The following THTPA variants were observed in gnomAD, a reference collection of about 807,000 sequenced individuals.
THTPA encodes thiamine-triphosphatase.
In THTPA, 16 loss-of-function variants were observed where a neutral mutation model predicts 16.5. That is an observed-to-expected ratio of 0.97 (90% CI 0.66 to 1.47). The LOEUF is 1.47. THTPA is among the 40% of genes most tolerant of loss of function. The pLI is 0.00. For missense variants in THTPA, 281 were observed against 280.9 expected, an observed-to-expected ratio of 1.00 and a Z score of 0.00; for synonymous variants, 110 against 115.5, an observed-to-expected ratio of 0.95 and a Z score of 0.30.
the THTPA span, among the ~76,000 whole-genome samples, chr14:23,546,214 G>T: frequency 6.6e-6 from 1 of 152,178 alleles, no homozygotes; most frequent in Non-Finnish European, 1.5e-5. The surrounding 1 kb of genome is among the most constrained non-coding windows in gnomAD (Gnocchi z 4.7). Context: ...CTTTCTGATT[G>T]CACAGGCCCC....
chr14:23,535,148 G>A, the THTPA span: 2 of 1,536,052 alleles, frequency 1.3e-6, no homozygotes, highest in Admixed American at 3.9e-5. The surrounding 1 kb of genome is among the most constrained non-coding windows in gnomAD (Gnocchi z 4.5). Context: ...GACTCCAGGA[G>A]CTGTCCCCCT....
At chr14:23,532,039 G>A in the THTPA span, 3 of 198,792 alleles carry the variant, frequency 1.5e-5, no homozygotes, top group African/African-American at 4.6e-5. Flanking sequence ...GCCTCCCAAA[G>A]TGCCGGGACT....
At chr14:23,524,674 C>G in the THTPA span, 2 of 1,536,342 alleles carry the variant, frequency 1.3e-6, no homozygotes, top group Non-Finnish European at 1.7e-6. This position sits in a 1 kb window ranked among gnomAD's most constrained non-coding sequence, Gnocchi z 5.6. Context: ...TCTCTTCAGG[C>G]TCTTTGCCTC....
upstream of THTPA, chr14:23,551,652 G>GCCTCCT (rs891960070): frequency 1.3e-5 from 2 of 153,946 alleles, no homozygotes; most frequent in Admixed American, 1.3e-4. The surrounding 1 kb of genome is among the most constrained non-coding windows in gnomAD (Gnocchi z 5.3). Context: ...CTCGCTCCCT[G>GCCTCCT]CCTCCTCCTC....
the THTPA span, among the ~76,000 whole-genome samples, chr14:23,546,876 C>T: frequency 2.0e-5 from 3 of 152,164 alleles, no homozygotes; most frequent in South Asian, 2.1e-4. The surrounding 1 kb of genome is among the most constrained non-coding windows in gnomAD (Gnocchi z 4.7). Context: ...TCAGGCCCCC[C>T]GCCCACCAGC....
At chr14:23,525,149 G>C in the THTPA span, 16 of 1,536,144 alleles carry the variant, frequency 1.0e-5, no homozygotes, top group African/African-American at 1.5e-4. The surrounding 1 kb of genome is among the most constrained non-coding windows in gnomAD (Gnocchi z 5.9). Flanking sequence ...CTTGGTTCTG[G>C]AGAACCGGCG....
At position 23,560,044 on chromosome 14, in the gene THTPA, CAGG is replaced by C. The variant is rs1566613458; in HGVS notation, c.*1207_*1209del. 1.3e-5 allele frequency: 21 copies of C among 1,588,304 alleles called. No homozygotes were observed. Among genetic ancestry groups the C allele is most frequent in the Non-Finnish European group, 1.7e-5 (20 of 1,160,494 alleles). ...CAGCTGCAGCTGGAGACTCTGAACA[CAGG>C]AGTTTAACAGAGCACAGTATGGCAG... On this transcript the variant is annotated 3_prime_UTR_variant, in exon 2 of 2. Coordinates refer to ENST00000288014, the MANE Select transcript of THTPA (RefSeq NM_024328.6).
the THTPA span, chr14:23,524,160 C>T: frequency 1.3e-6 from 2 of 1,536,032 alleles, no homozygotes; most frequent in Non-Finnish European, 1.7e-6. This position sits in a 1 kb window ranked among gnomAD's most constrained non-coding sequence, Gnocchi z 5.6. Flanking sequence ...GGTTTCACTG[C>T]TGGACTAGGC....
chr14:23,535,082 A>G, the THTPA span: 3 of 1,536,204 alleles, frequency 2.0e-6, no homozygotes, highest in Admixed American at 3.9e-5. The surrounding 1 kb of genome is among the most constrained non-coding windows in gnomAD (Gnocchi z 4.5). Context: ...AAGTGACCAC[A>G]GTCAGGCCCT....
the THTPA span, chr14:23,534,808 T>C: frequency 2.6e-6 from 4 of 1,535,914 alleles, no homozygotes; most frequent in Non-Finnish European, 2.6e-6. This position sits in a 1 kb window ranked among gnomAD's most constrained non-coding sequence, Gnocchi z 4.5. Context: ...GTCAAAGCCA[T>C]GTTGGATGTG....
the THTPA span, chr14:23,527,839 AG>A: frequency 9.8e-6 from 15 of 1,525,516 alleles, no homozygotes; most frequent in Admixed American, 3.9e-5. Flanking sequence ...ACGAAGTGTC[AG>A]GGAAGGATGG....
At chr14:23,528,953 C>A in the THTPA span, 4 of 534,082 alleles carry the variant, frequency 7.5e-6, no homozygotes, top group Non-Finnish European at 9.6e-6. Flanking sequence ...CGCACCTAGC[C>A]CCTGGAGCAG....
At chr14:23,531,175 C>T in the THTPA span, 2 of 261,916 alleles carry the variant, frequency 7.6e-6, no homozygotes, top group Admixed American at 5.5e-5. Context: ...GCCTGCCACC[C>T]TCCAGCATTA....
chr14:23,512,190 G>A, the THTPA span, among the ~76,000 whole-genome samples: 13 of 152,112 alleles, frequency 8.5e-5, no homozygotes, highest in Admixed American at 7.2e-4. Flanking sequence ...GGGAGCTGGG[G>A]TGCAGGGGGT....
At chr14:23,522,840 G>T in the THTPA span, 1 of 1,533,182 alleles carries the variant, frequency 6.5e-7, no homozygotes, top group Non-Finnish European at 8.7e-7. Context: ...TCGGGCATGG[G>T]TCTCTGAGGT....
the THTPA span, chr14:23,522,779 G>A: frequency 2.0e-6 from 3 of 1,536,444 alleles, no homozygotes; most frequent in Non-Finnish European, 2.6e-6. Flanking sequence ...GGGCTCAGTA[G>A]GAGGGCCTGG....
chr14:23,527,477 C>T, the THTPA span: 1 of 1,243,724 alleles, frequency 8.0e-7, no homozygotes, highest in Non-Finnish European at 1.1e-6. Context: ...CCAGCCAACA[C>T]ACGCACTTGC....
the THTPA span, chr14:23,522,702 G>C: frequency 3.3e-6 from 5 of 1,536,652 alleles, no homozygotes; most frequent in South Asian, 4.8e-5. Context: ...AGGTTCTTGA[G>C]GGCATCATTG....
chr14:23,544,980 T>A, the THTPA span, among the ~76,000 whole-genome samples: 1 of 152,144 alleles, frequency 6.6e-6, no homozygotes, highest in Non-Finnish European at 1.5e-5. Flanking sequence ...CATGTCTCCC[T>A]TCCCGCTTCT....
Sources: allele counts gnomAD v4.1 joint callset (sites outside exome capture counted in the v4.1 genomes callset), GRCh38; gene constraint gnomAD v4.1.1; non-coding constraint Gnocchi (gnomAD v3.1); transcripts MANE v1.5; gene names NCBI Gene and HGNC (gene_info 2026-07-23, HGNC 2026-07-21).